The following SLC22A8 variants were observed in gnomAD, a reference collection of about 807,000 sequenced individuals.
SLC22A8 encodes organic anion transporter 3.
In SLC22A8, 40 loss-of-function variants were observed where a neutral mutation model predicts 48.4. That is an observed-to-expected ratio of 0.83 (90% confidence interval 0.64 to 1.08). The LOEUF is 1.08. SLC22A8 is among the 50% of genes least tolerant of loss of function. The pLI is 0.00. For missense variants in SLC22A8, 606 were observed against 699.0 expected, an observed-to-expected ratio of 0.87 and a Z score of 1.50; for synonymous variants, 268 against 286.3, an observed-to-expected ratio of 0.94 and a Z score of 0.65.
rs1433686453 is a variant in SLC22A8, at chr11:63,012,649, A to C, written c.333+1977T>G. On this transcript the variant is annotated intron_variant, in intron 2 of 10. Transcript: ENST00000336232. ...CGCATATTCATTCATTCCACAGAAC[A>C]CCTCCTCTGTACCAGGCACTATTCT... Among the ~76,000 whole-genome samples, 3 of 152,016 alleles carry C rather than the reference A, an allele frequency of 2.0e-5. No individual in the cohort carries two copies. The East Asian group carries it at 5.8e-4, about 29-fold the overall frequency.
At chr11:63,001,479 GT>G (rs1175105972) in intron 2 of SLC22A8, among the ~76,000 whole-genome samples, 4 of 152,190 alleles carry the variant, frequency 2.6e-5, no homozygotes, top group African/African-American at 9.7e-5. Flanking sequence ...GGTCACTGAA[GT>G]TTCATTTTTA....
At chr11:62,998,848 T>G (rs1188162012) in intron 5 of SLC22A8, 73 bp downstream of exon 5, 1 of 1,394,594 alleles carries the variant, frequency 7.2e-7, no homozygotes, top group African/African-American at 1.4e-5. Flanking sequence ...TTGGCCAGCC[T>G]GGGCAGGTAT....
In SLC22A8 at chr11:62,993,490, G is replaced by A; in HGVS notation, c.1463C>T (p.Ala488Val). The A allele has an allele frequency of 1.9e-6, 3 of 1,614,212 alleles. No homozygotes were observed. Among genetic ancestry groups the A allele is most frequent in the Non-Finnish European group, 2.5e-6 (3 of 1,180,026 alleles). ...CAGGGTCTCAGGCAGGAAGAGGGCAGCACTGCCCCCGAGGAGGGCGGTGAT... is the reference window on the plus strand; with the variant it reads ...CAGGGTCTCAGGCAGGAAGAGGGCAACACTGCCCCCGAGGAGGGCGGTGAT... ...YGITALLGGS[A>V]ALFLPETLNQ... Residue 488 changes from alanine to valine, a missense_variant, in exon 10 of 11, where the codon GCT becomes GTT. Transcript: ENST00000336232.
chr11:62,998,106 CA>C (rs2086445256), intron 5 of SLC22A8, among the ~76,000 whole-genome samples: 1 of 152,150 alleles, frequency 6.6e-6, no homozygotes, highest in Non-Finnish European at 1.5e-5. Context: ...CATGCGCCAC[CA>C]TGCACGGCTA....
intron 8 of SLC22A8, 114 bp from the exon 9 acceptor site, chr11:62,993,992 A>G: frequency 1.4e-6 from 1 of 709,012 alleles, no homozygotes; most frequent in Non-Finnish European, 2.6e-6. Flanking sequence ...GCTCAGATCC[A>G]AACTTAAAGC....
At chr11:63,009,843 C>T (rs2086597986) in intron 2 of SLC22A8, among the ~76,000 whole-genome samples, 1 of 152,150 alleles carries the variant, frequency 6.6e-6, no homozygotes. Flanking sequence ...CCCCATTCTA[C>T]AGATGAGGGG....
At chr11:63,006,623 T>TTTTTTTTTTTTG (rs1317151675) in intron 2 of SLC22A8, among the ~76,000 whole-genome samples, 8 of 127,856 alleles carry the variant, frequency 6.3e-5, no homozygotes, top group African/African-American at 2.8e-4. Context: ...TTTTTTTTTT[T>TTTTTTTTTTTTG]TTGAGACAGA....
chr11:63,004,088 C>T (rs560164700), intron 2 of SLC22A8, among the ~76,000 whole-genome samples: 2 of 152,248 alleles, frequency 1.3e-5, no homozygotes, highest in East Asian at 3.9e-4. Context: ...ATGAGAAGGT[C>T]AATTGTCAGA....
chr11:63,001,686 G>T (rs530630581), intron 2 of SLC22A8, among the ~76,000 whole-genome samples: 126 of 152,148 alleles, frequency 8.3e-4, no homozygotes, highest in African/African-American at 2.9e-3. Flanking sequence ...CTTTCCCCAG[G>T]CGATGCCATC....
Position 62,992,869 on chromosome 11 carries a change from T to G in SLC22A8, c.*368A>C. ...ATTGAAACCTCCCATCAAAGAAAAG[T>G]GTGGGAGGCAAGAAGGGGAGGACTT... On this transcript the variant is annotated 3_prime_UTR_variant, in exon 11 of 11. Coordinates refer to ENST00000336232, the MANE Select transcript of SLC22A8 (RefSeq NM_004254.4). The G allele has an allele frequency of 4.0e-6, 1 of 250,312 alleles. No homozygotes were observed. The highest frequency in any genetic ancestry group is 2.2e-5 in the African/African-American group (1 of 45,008). The allele number at this position is 250,312 out of a possible 1,614,324, so 15.5% of individuals were successfully genotyped here. A position where few individuals can be genotyped will look rare whatever the true frequency, so the allele number is the denominator to read the frequency against.
intron 1 of SLC22A8, 93 bp downstream of exon 1, chr11:63,015,636 A>AG (rs2086665683): frequency 1.3e-5 from 2 of 152,620 alleles, no homozygotes; most frequent in Non-Finnish European, 2.9e-5. Flanking sequence ...AGAGGGCACT[A>AG]GGGGCTTGGC....
At chr11:63,005,461 TATG>T (rs1470650934) in intron 2 of SLC22A8, among the ~76,000 whole-genome samples, 1 of 152,250 alleles carries the variant, frequency 6.6e-6, no homozygotes, top group Non-Finnish European at 1.5e-5. Context: ...CTGCAACTGT[TATG>T]GGTTGACTTG....
At position 63,014,545 on chromosome 11, in the gene SLC22A8, C is replaced by T. The variant is rs569454530; in HGVS notation, c.333+81G>A. On this transcript the variant is annotated intron_variant, in intron 2 of 10. Coordinates refer to ENST00000336232, the MANE Select transcript of SLC22A8 (RefSeq NM_004254.4). ...CTCAGTTCCTGGGAACACCAGACCC[C>T]AGCCTCCTCTGCTGCCCACCAGCGG... 3.3e-5 allele frequency: 43 copies of T among 1,290,252 alleles called. No homozygotes were observed. The African/African-American group carries it at 6.2e-4, about 19-fold the overall frequency. The allele number at this position is 1,290,252 out of a possible 1,614,324, so 79.9% of individuals were successfully genotyped here.
In SLC22A8 at chr11:62,994,652, GC is replaced by G; in HGVS notation, c.1105del (p.Ala369ProfsTer9). The stretch of plus-strand genomic sequence containing the variant: ...TAAGGAGAGGATGGTGATGAACTTG[GC>G]TGGGACATCGACCCCACCAAAGATG... ...QIIFGGVDVPAKFITILSLSY... is the reference protein window; with the variant it reads ...QIIFGGVDVPXKFITILSLSY... On this transcript the variant is annotated frameshift_variant, in exon 8 of 11. Transcript: ENST00000336232. LOFTEE classifies it high-confidence loss of function. 5 of 1,614,172 alleles carry G rather than the reference GC, an allele frequency of 3.1e-6. No individual in the cohort carries two copies. In the South Asian group the frequency reaches 5.5e-5, roughly 18 times the overall value.
chr11:63,011,819 A>T (rs2086622226), intron 2 of SLC22A8, among the ~76,000 whole-genome samples: 1 of 152,102 alleles, frequency 6.6e-6, no homozygotes, highest in Admixed American at 6.5e-5. Context: ...CACCACAGTC[A>T]CTGGCTCCCC....
chr11:62,993,006 CAGA>C lies in SLC22A8; in HGVS notation c.*228_*230del, dbSNP rs1420936913. On this transcript the variant is annotated 3_prime_UTR_variant, in exon 11 of 11. Transcript: ENST00000336232. ...AGGTGGCCAGTGGGGAAGGGCTAGA[CAGA>C]AGAATGGCAGGGCCTGGGTTGCAGG... 18 of 571,198 alleles carry C rather than the reference CAGA, an allele frequency of 3.2e-5. No homozygotes were observed. The highest frequency in any genetic ancestry group is 2.6e-4 in the South Asian group (11 of 42,280). The allele number at this position is 571,198 out of a possible 1,614,324, so 35.4% of individuals were successfully genotyped here.
intron 2 of SLC22A8, among the ~76,000 whole-genome samples, chr11:63,002,334 C>T: frequency 6.6e-6 from 1 of 152,098 alleles, no homozygotes. Flanking sequence ...TTAAATCAAG[C>T]TAATTAACAT....
chr11:63,002,878 T>C (rs2086513833), intron 2 of SLC22A8, among the ~76,000 whole-genome samples: 1 of 152,246 alleles, frequency 6.6e-6, no homozygotes, highest in South Asian at 2.1e-4. Flanking sequence ...AACCTTATTA[T>C]GTAGGTGCTA....
intron 2 of SLC22A8, among the ~76,000 whole-genome samples, chr11:63,004,036 A>G (rs2086527971): frequency 6.6e-6 from 1 of 152,244 alleles, no homozygotes; most frequent in African/African-American, 2.4e-5. Context: ...CCCAACCTCC[A>G]TGATAATTAG....
Sources: allele counts gnomAD v4.1 joint callset (sites outside exome capture counted in the v4.1 genomes callset), GRCh38; gene constraint gnomAD v4.1.1; transcripts MANE v1.5; gene names NCBI Gene and HGNC (gene_info 2026-07-23, HGNC 2026-07-21).